RRM1: variants seen among roughly 807,000 people sequenced by gnomAD.
The protein encoded by RRM1 is ribonucleotide reductase catalytic subunit M1, also known as ribonucleoside-diphosphate reductase large subunit.
Under a neutral mutation model 101.5 loss-of-function variants are expected in RRM1, and 19 were observed. The ratio of observed to expected loss-of-function variants is 0.19; its 90% CI spans 0.13 to 0.27. The LOEUF is 0.27. Among genes scored for constraint, RRM1 ranks in the 10% least tolerant of loss-of-function variants. RRM1 has a pLI of 1.00. For synonymous variants in RRM1, 298 were observed against 323.4 expected, an observed-to-expected ratio of 0.92 and a Z score of 0.84; for missense variants, 500 against 962.9, an observed-to-expected ratio of 0.52 and a Z score of 6.36.
At chr11:4,130,086 A>ATATAT (rs1202870487) in intron 15 of RRM1, among the ~76,000 whole-genome samples, 16 of 99,446 alleles carry the variant, frequency 1.6e-4, no homozygotes, top group African/African-American at 8.0e-4. Flanking sequence ...ATATATATAT[A>ATATAT]TTTTTTTTTT....
chr11:4,129,005 T>C, intron 14 of RRM1, 69 bp from the exon 15 acceptor site: 1 of 813,364 alleles, frequency 1.2e-6, no homozygotes, highest in Non-Finnish European at 1.9e-6. Context: ...TAGTCATTTG[T>C]GGGTTTTTTT....
At chr11:4,118,531 G>A (rs1277749797) in intron 8 of RRM1, 70 bp downstream of exon 8, 1 of 1,547,930 alleles carries the variant, frequency 6.5e-7, no homozygotes, top group African/African-American at 1.4e-5. Flanking sequence ...TGGTTGAGAG[G>A]GCATATGCTA....
chr11:4,126,980 G>A, intron 13 of RRM1, 55 bp from the exon 14 acceptor site: 1 of 1,510,612 alleles, frequency 6.6e-7, no homozygotes, highest in Non-Finnish European at 9.0e-7. Flanking sequence ...ACAGAATGTT[G>A]CTTTTCCTGT....
intron 2 of RRM1, among the ~76,000 whole-genome samples, chr11:4,104,077 C>T (rs573532522): frequency 5.3e-5 from 8 of 152,066 alleles, no homozygotes; most frequent in South Asian, 4.2e-4. Context: ...TGCCACTGTA[C>T]TCCAGCACAG....
chr11:4,096,550 T>G (rs2094543764), intron 1 of RRM1, among the ~76,000 whole-genome samples: 1 of 152,252 alleles, frequency 6.6e-6, no homozygotes, highest in Non-Finnish European at 1.5e-5. Context: ...TCTGTGAATT[T>G]TCCTAGCTCA....
chr11:4,101,117 C>T (rs1434099538), intron 1 of RRM1, among the ~76,000 whole-genome samples: 4 of 151,882 alleles, frequency 2.6e-5, no homozygotes, highest in South Asian at 4.1e-4. Flanking sequence ...GAGCAAGGGT[C>T]CTATTTGGGG....
chr11:4,113,379 G>A (rs2094568230), intron 7 of RRM1, among the ~76,000 whole-genome samples: 1 of 152,210 alleles, frequency 6.6e-6, no homozygotes, highest in East Asian at 1.9e-4. Flanking sequence ...ATAAGAAAAA[G>A]AAAAGATTGG....
At chr11:4,096,383 G>A (rs897038284) in intron 1 of RRM1, among the ~76,000 whole-genome samples, 17 of 152,226 alleles carry the variant, frequency 1.1e-4, no homozygotes, top group African/African-American at 3.9e-4. Context: ...AATGAAAATA[G>A]TTGTATCAAA....
rs1412808877 is a variant in RRM1 at position 4,123,312 on chromosome 11, C to T, written c.1248C>T (p.Asn416=). 4.3e-6 allele frequency: 7 copies of T among 1,613,920 alleles called. No individual in the cohort carries two copies. The highest frequency in any genetic ancestry group is 1.1e-5 in the South Asian group (1 of 91,082). ...LYKDSCNRKS[N]QQNLGTIKCS... is the part of the protein sequence containing the mutation. Reference sequence around the variant, plus strand: ...AAGATTCCTGTAATCGAAAGAGCAACCAGCAGAACCTGGGAACCATCAAAT... The same window carrying T: ...AAGATTCCTGTAATCGAAAGAGCAATCAGCAGAACCTGGGAACCATCAAAT... Residue 416 remains asparagine, a synonymous_variant, in exon 12 of 19, where the codon AAC becomes AAT. Transcript: ENST00000300738.
intron 1 of RRM1, among the ~76,000 whole-genome samples, chr11:4,096,777 A>C (rs529230542): frequency 6.6e-6 from 1 of 152,138 alleles, no homozygotes; most frequent in East Asian, 1.9e-4. Context: ...TGCTTGGATT[A>C]CAGTGCTGGG....
intron 2 of RRM1, among the ~76,000 whole-genome samples, chr11:4,103,844 G>A (rs867539704): frequency 2.2e-5 from 3 of 134,344 alleles, no homozygotes; most frequent in Non-Finnish European, 3.0e-5. Flanking sequence ...GGCCAGGCTC[G>A]TCTTGAACTC....
In RRM1 at chr11:4,118,590, C is replaced by A. The variant is rs2094577295; in HGVS notation, c.792+129C>A. The A allele has an allele frequency of 7.3e-6, 6 of 821,024 alleles. No individual in the cohort carries two copies. In the South Asian group the frequency reaches 1.0e-4, roughly 14 times the overall value. The allele number at this position is 821,024 out of a possible 1,614,324, so 50.9% of individuals were successfully genotyped here. A position where few individuals can be genotyped will look rare whatever the true frequency, so the allele number is the denominator to read the frequency against. On this transcript the variant is annotated intron_variant, in intron 8 of 18. Transcript: ENST00000300738. ...GTTAAATTACTAAATGGCTATGTGA[C>A]TTGGAGTGAGTCATTTTACTTCTGG... is the stretch of plus-strand genomic sequence containing the variant.
In RRM1 at chr11:4,101,983, G is replaced by A. The variant is rs953512725; in HGVS notation, c.20-10G>A. On this transcript the variant is annotated splice_polypyrimidine_tract_variant and intron_variant, in intron 1 of 18. Transcript: ENST00000300738. Reference sequence around the variant, plus strand: ...AATTTAATAATTGCTAACATGATTTGATTCTTTAGATGGCCGCCAAGAACG... The same window carrying A: ...AATTTAATAATTGCTAACATGATTTAATTCTTTAGATGGCCGCCAAGAACG... The A allele has an allele frequency of 2.0e-6, 3 of 1,492,640 alleles. No individual in the cohort carries two copies. Among genetic ancestry groups the A allele is most frequent in the African/African-American group, 1.4e-5 (1 of 71,984 alleles). The allele number at this position is 1,492,640 out of a possible 1,614,324, so 92.5% of individuals were successfully genotyped here.
intron 18 of RRM1, 83 bp from the exon 19 acceptor site, chr11:4,138,112 A>T (rs2094617175): frequency 1.5e-6 from 1 of 645,698 alleles, no homozygotes; most frequent in African/African-American, 1.8e-5. Context: ...GCGGCTGGAC[A>T]GGAATGTATT....
At chr11:4,098,018 G>A (rs374855966) in intron 1 of RRM1, among the ~76,000 whole-genome samples, 1 of 151,900 alleles carries the variant, frequency 6.6e-6, no homozygotes, top group African/African-American at 2.4e-5. Flanking sequence ...GGAGATTATG[G>A]TTAAAAAAAT....
intron 6 of RRM1, 36 bp from the exon 7 acceptor site, chr11:4,111,864 C>A: frequency 6.3e-7 from 1 of 1,574,930 alleles, no homozygotes; most frequent in South Asian, 1.2e-5. Flanking sequence ...CTTTTTCTGA[C>A]GTCTCATCAT....
chr11:4,123,431 G>A (rs577486294), intron 12 of RRM1, 47 bp downstream of exon 12: 55 of 1,469,812 alleles, frequency 3.7e-5, no homozygotes, highest in Non-Finnish European at 4.5e-5. Context: ...AGAACCTTAG[G>A]CAGTTATTAT....
At position 4,099,958 on chromosome 11, in the gene RRM1, T is replaced by C. The variant is rs536717380; in HGVS notation, c.20-2035T>C. ...TAAGTTGCTTTCCCCCCCCACTGCA[T>C]GTATAATTGCAGAACGCTAATGTTG... On this transcript the variant is annotated intron_variant, in intron 1 of 18. Coordinates refer to ENST00000300738, the MANE Select transcript of RRM1 (RefSeq NM_001033.5). Among the ~76,000 whole-genome samples, 3 of 151,832 alleles carry C rather than the reference T, an allele frequency of 2.0e-5. No individual in the cohort carries two copies. The East Asian group carries it at 5.8e-4, about 30-fold the overall frequency.
chr11:4,121,848 A>T, intron 10 of RRM1, 83 bp downstream of exon 10: 1 of 1,335,516 alleles, frequency 7.5e-7, no homozygotes, highest in South Asian at 1.5e-5. Context: ...CATGCTTAGG[A>T]AGAGCCCATA....
Sources: gnomAD v4.1 joint callset for allele counts (sites outside exome capture counted in the v4.1 genomes callset) on GRCh38, gnomAD v4.1.1 for gene constraint, MANE v1.5 for transcripts, NCBI Gene and HGNC (gene_info 2026-07-23, HGNC 2026-07-21) for gene names.